Variants in SLC43A2 observed in about 807,000 individuals in gnomAD.
SLC43A2 encodes large neutral amino acids transporter small subunit 4.
In SLC43A2, 38 loss-of-function variants were observed where a neutral mutation model predicts 63.2. The ratio of observed to expected loss-of-function variants is 0.60; its 90% CI spans 0.46 to 0.79. SLC43A2 has a LOEUF of 0.79. Among genes scored for constraint, SLC43A2 ranks in the 30% least tolerant of loss-of-function variants. SLC43A2 has a pLI of 0.00. For missense variants in SLC43A2, 644 were observed against 756.2 expected, an observed-to-expected ratio of 0.85 and a Z score of 1.74; for synonymous variants, 322 against 331.0, an observed-to-expected ratio of 0.97 and a Z score of 0.30.
At chr17:1,587,089 T>TGCGTTTCCCGCACTGCGTTTCCCGCACC (rs1567617204) in intron 9 of SLC43A2, 1 of 1,008,826 alleles carries the variant, frequency 9.9e-7, no homozygotes, top group Non-Finnish European at 1.4e-6. Flanking sequence ...TTTCCCACAC[T>TGCGTTTCCCGCACTGCGTTTCCCGCACC]GCGTTTCCCG....
intron 5 of SLC43A2, among the ~76,000 whole-genome samples, chr17:1,610,069 C>T (rs1906960648): frequency 6.6e-6 from 1 of 151,930 alleles, no homozygotes; most frequent in Non-Finnish European, 1.5e-5. Flanking sequence ...GCCACCATGC[C>T]CGAGTAATAT....
At chr17:1,627,943 G>A (rs1908841629) in intron 1 of SLC43A2, 23 bp from the exon 2 acceptor site, 14 of 1,390,248 alleles carry the variant, frequency 1.0e-5, no homozygotes, top group Non-Finnish European at 1.2e-5. Flanking sequence ...CTCGGCGTCA[G>A]CGGCCGGCCC....
At chr17:1,591,832 C>T (rs1007639467) in intron 6 of SLC43A2, 133 bp from the exon 7 acceptor site, 1 of 699,966 alleles carries the variant, frequency 1.4e-6, no homozygotes, top group Admixed American at 2.9e-5. Flanking sequence ...GAGGCACAGC[C>T]CTGCCAGCCT....
chr17:1,583,527 G>GCA lies in SLC43A2; in HGVS notation c.1218-192_1218-191insTG, dbSNP rs2076053421. ...ACTCCCCGGCCCTTCTCAGTGGCAAGCTGAGTGTGACTCTCGGAGGGGGTC... is the reference window on the plus strand; with the variant it reads ...ACTCCCCGGCCCTTCTCAGTGGCAAGCACTGAGTGTGACTCTCGGAGGGGGTC... On this transcript the variant is annotated intron_variant, in intron 10 of 13. Coordinates refer to ENST00000301335, the MANE Select transcript of SLC43A2 (RefSeq NM_152346.3). The surrounding 1 kb of genome is among the most constrained non-coding windows in gnomAD (Gnocchi z 5.5). 7 of 912,068 alleles carry GCA rather than the reference G, an allele frequency of 7.7e-6. No homozygotes were observed. Among genetic ancestry groups the GCA allele is most frequent in the Non-Finnish European group, 9.5e-6 (6 of 629,166 alleles). The allele number at this position is 912,068 out of a possible 1,614,324, so 56.5% of individuals were successfully genotyped here. A position where few individuals can be genotyped will look rare whatever the true frequency, so the allele number is the denominator to read the frequency against.
At chr17:1,596,046 C>T (rs867006508) in intron 5 of SLC43A2, among the ~76,000 whole-genome samples, 1 of 152,114 alleles carries the variant, frequency 6.6e-6, no homozygotes, top group Non-Finnish European at 1.5e-5. Context: ...GAGAGCCGGG[C>T]GCGGTGGCTC....
At chr17:1,579,672 C>CA (rs2075983254) in intron 11 of SLC43A2, among the ~76,000 whole-genome samples, 1 of 151,134 alleles carries the variant, frequency 6.6e-6, no homozygotes, top group Non-Finnish European at 1.5e-5. Context: ...CCCATCTCTG[C>CA]AAAAAAATAT....
At chr17:1,614,855 T>A in intron 4 of SLC43A2, 124 bp downstream of exon 4, 1 of 913,018 alleles carries the variant, frequency 1.1e-6, no homozygotes, top group Non-Finnish European at 1.7e-6. Flanking sequence ...GTAACAGGTG[T>A]CCCCTCTAAC....
At chr17:1,585,195 A>G (rs1157705441) in intron 10 of SLC43A2, 2 of 993,462 alleles carry the variant, frequency 2.0e-6, no homozygotes, top group Admixed American at 5.6e-5. Flanking sequence ...TTGTCTGTAC[A>G]CTTTCACCTG....
chr17:1,575,692 TGGCG>T lies in SLC43A2; in HGVS notation c.1618_1621del (p.Arg540SerfsTer46), dbSNP rs756345107. ...CCTCTGCTGCAGCTGCCGCTCCAGC[TGGCG>T]CCGGTAGCAGATCAGGTAGAGCGGG... On this transcript the variant is annotated frameshift_variant, in exon 14 of 14. Transcript: ENST00000301335. LOFTEE classifies it high-confidence loss of function. The T allele has an allele frequency of 6.2e-7, 1 of 1,613,952 alleles. No individual in the cohort carries two copies.
At chr17:1,612,256 G>A (rs1346862506) in intron 5 of SLC43A2, among the ~76,000 whole-genome samples, 4 of 152,252 alleles carry the variant, frequency 2.6e-5, no homozygotes, top group East Asian at 1.9e-4. Context: ...GAGCCACCAT[G>A]CCCAGCCCCT....
In SLC43A2 at chr17:1,591,589, C is replaced by T. The variant is rs142820602; in HGVS notation, c.705G>A (p.Pro235=). Residue 235 remains proline, a synonymous_variant, in exon 7 of 14, where the codon CCG becomes CCA. Coordinates refer to ENST00000301335, the MANE Select transcript of SLC43A2 (RefSeq NM_152346.3). ...CFFNWPLEPF[P]GPEDMDYSVK... ...ACGAGTAGTCCATGTCCTCCGGCCC[C>T]GGGAAGGGCTCAAGGGGCCAGTTAA... 3.0e-4 allele frequency: 458 copies of T among 1,549,660 alleles called. No homozygotes were observed. Among genetic ancestry groups the T allele is most frequent in the Non-Finnish European group, 3.9e-4 (444 of 1,147,182 alleles).
intron 9 of SLC43A2, among the ~76,000 whole-genome samples, chr17:1,587,135 CAG>C (rs894745194): frequency 5.0e-5 from 6 of 120,550 alleles, no homozygotes; most frequent in African/African-American, 1.9e-4. Context: ...TCGGGGCGCT[CAG>C]GGGAGGCAGA....
At chr17:1,610,311 G>A (rs1906982635) in intron 5 of SLC43A2, among the ~76,000 whole-genome samples, 1 of 151,670 alleles carries the variant, frequency 6.6e-6, no homozygotes, top group African/African-American at 2.4e-5. Context: ...CACACAGGCT[G>A]GAATATAGTG....
At chr17:1,614,704 C>A (rs1270719312) in intron 4 of SLC43A2, among the ~76,000 whole-genome samples, 1 of 152,138 alleles carries the variant, frequency 6.6e-6, no homozygotes, top group Non-Finnish European at 1.5e-5. Context: ...GTTCTTAGAA[C>A]TTGCCTCTCA....
At chr17:1,588,697 C>CAA (rs35780448) in intron 9 of SLC43A2, among the ~76,000 whole-genome samples, 3 of 89,138 alleles carry the variant, frequency 3.4e-5, no homozygotes, top group African/African-American at 8.6e-5. Flanking sequence ...GACCCCAACT[C>CAA]AAAAAAAAAA....
chr17:1,591,728 GGGGGGA>G, intron 6 of SLC43A2, 29 bp from the exon 7 acceptor site: 3 of 922,548 alleles, frequency 3.3e-6, no homozygotes, highest in Non-Finnish European at 3.3e-6. Flanking sequence ...ACGGGGTGGG[GGGGGGA>G]GGGGGCAGAG....
In SLC43A2 at chr17:1,590,658, A is replaced by G. The variant is rs193210020; in HGVS notation, c.1078+144T>C. ...CAGTTGGGGCTGGCAGTGATGCAAT[A>G]GCTCTGACGGGCAGACAGCTCCTGG... On this transcript the variant is annotated intron_variant, in intron 9 of 13. Transcript: ENST00000301335. 1.2e-5 allele frequency: 13 copies of G among 1,075,592 alleles called. No individual in the cohort carries two copies. In the East Asian group the frequency reaches 2.6e-4, roughly 21 times the overall value. 66.6% of individuals were successfully genotyped at this position (1,075,592 alleles called of 1,614,324 possible). A position where few individuals can be genotyped will look rare whatever the true frequency, so the allele number is the denominator to read the frequency against.
chr17:1,627,913 T>C lies in SLC43A2; in HGVS notation c.-39A>G, dbSNP rs1265543844. 20 of 1,508,380 alleles carry C rather than the reference T, an allele frequency of 1.3e-5. No homozygotes were observed. Among genetic ancestry groups the C allele is most frequent in the African/African-American group, 1.4e-5 (1 of 70,164 alleles). The allele number at this position is 1,508,380 out of a possible 1,614,324, so 93.4% of individuals were successfully genotyped here. ...GCGGCTCCGGCTCCGGCTCCGGCTC[T>C]GCACCACCTGCGCACAGAACTCGGC... is the stretch of plus-strand genomic sequence containing the variant. On this transcript the variant is annotated 5_prime_UTR_variant, in exon 2 of 14. Transcript: ENST00000301335.
Position 1,593,306 on chromosome 17 carries a change from C to T in SLC43A2, c.502-27G>A. Reference sequence around the variant, plus strand: ...TGAGAGATAAGAAGCAGAGAAACCTCAGTGGGGAGGATGCACCAGGGAAGG... The same window carrying T: ...TGAGAGATAAGAAGCAGAGAAACCTTAGTGGGGAGGATGCACCAGGGAAGG... On this transcript the variant is annotated intron_variant, in intron 5 of 13. Transcript: ENST00000301335. This position sits in a 1 kb window ranked among gnomAD's most constrained non-coding sequence, Gnocchi z 5.3. The T allele has an allele frequency of 6.2e-7, 1 of 1,604,510 alleles. No homozygotes were observed. Among genetic ancestry groups the T allele is most frequent in the Non-Finnish European group, 8.5e-7 (1 of 1,173,260 alleles).
Sources: gnomAD v4.1 joint callset for allele counts (sites outside exome capture counted in the v4.1 genomes callset) on GRCh38, gnomAD v4.1.1 for gene constraint, Gnocchi (gnomAD v3.1) non-coding constraint, MANE v1.5 for transcripts, NCBI Gene and HGNC (gene_info 2026-07-23, HGNC 2026-07-21) for gene names.